The following DAP variants were observed in gnomAD, a reference collection of about 807,000 sequenced individuals.
DAP encodes the protein death-associated protein 1.
A neutral mutation model predicts 13.8 loss-of-function variants in DAP; 8 were observed. The ratio of observed to expected loss-of-function variants is 0.58; its 90% confidence interval spans 0.34 to 1.05. The LOEUF (loss-of-function observed/expected upper bound fraction) is 1.05. DAP is among the 50% of genes least tolerant of loss of function. DAP has a pLI of 0.03. For missense variants in DAP, 106 were observed against 133.2 expected (o/e 0.80, Z 1.01); for synonymous variants, 47 against 47.5 (o/e 0.99, Z 0.04).
chr5:10,711,420 G>GT (rs1431968767), intron 2 of DAP, among the ~76,000 whole-genome samples: 3 of 152,228 alleles, frequency 2.0e-5, no homozygotes, highest in African/African-American at 7.2e-5. Flanking sequence ...TCACCGGGGC[G>GT]TAACTGCCCT....
Position 10,723,047 on chromosome 5 carries a change from C to T in DAP, c.152+25128G>A, listed in dbSNP as rs780606344. ...GACAGCCATCTTTCAGAGTCATGTC[C>T]CTTGATGAAATGTCAATGCCAAAGA... On this transcript the variant is annotated intron_variant, in intron 2 of 3. Coordinates refer to ENST00000230895, the MANE Select transcript of DAP (RefSeq NM_004394.3). 2.6e-5 allele frequency among the ~76,000 whole-genome samples: 4 copies of T among 152,178 alleles called. No individual in the cohort carries two copies. The South Asian group carries it at 8.3e-4, about 32-fold the overall frequency.
chr5:10,682,218 GGT>G (rs1196328646), intron 3 of DAP, among the ~76,000 whole-genome samples: 1 of 147,036 alleles, frequency 6.8e-6, no homozygotes, highest in East Asian at 2.1e-4. Flanking sequence ...GGAAGCATGG[GGT>G]TTGTATGTGA....
At chr5:10,746,550 G>A (rs751747850) in intron 2 of DAP, among the ~76,000 whole-genome samples, 6 of 151,906 alleles carry the variant, frequency 3.9e-5, no homozygotes, top group African/African-American at 9.7e-5. Context: ...GGCTGGTCTC[G>A]CACCCCTGAC....
rs144636652 is a variant in DAP at position 10,720,718 on chromosome 5, C to T, written c.152+27457G>A. Reference sequence around the variant, plus strand: ...CCAGCAGCAGAGACCAACACTGAGCCCTCAATACGGCACCATTCCTCGGGG... The same window carrying T: ...CCAGCAGCAGAGACCAACACTGAGCTCTCAATACGGCACCATTCCTCGGGG... On this transcript the variant is annotated intron_variant, in intron 2 of 3. Transcript: ENST00000230895. Among the ~76,000 whole-genome samples the T allele has an allele frequency of 3.9e-3, 594 of 152,314 alleles. 4 individuals carry two copies. Among genetic ancestry groups the T allele is most frequent in the African/African-American group, 0.013 (545 of 41,574 alleles).
At position 10,711,550 on chromosome 5, in the gene DAP, C is replaced by T. The variant is rs3797127; in HGVS notation, c.153-27979G>A. 4.1e-3 allele frequency among the ~76,000 whole-genome samples: 623 copies of T among 152,320 alleles called. 20 individuals are homozygous for T. In the East Asian group the frequency reaches 0.087, roughly 21 times the overall value. On this transcript the variant is annotated intron_variant, in intron 2 of 3. Coordinates refer to ENST00000230895, the MANE Select transcript of DAP (RefSeq NM_004394.3). The stretch of plus-strand genomic sequence containing the variant: ...TGCTCTGTGAGAGCCATAACTTCTA[C>T]GCTCTCTTACTCTATCGGCATTAAA...
chr5:10,740,212 A>G lies in DAP; in HGVS notation c.152+7963T>C, dbSNP rs190304483. Among the ~76,000 whole-genome samples, 9 of 152,216 alleles carry G rather than the reference A, an allele frequency of 5.9e-5. No individual in the cohort carries two copies. The East Asian group carries it at 1.7e-3, about 29-fold the overall frequency. ...ACACTGGGCACAAGAGAAAGGAGTC[A>G]GGTTCAAAAGAAACCATCTACACTG... On this transcript the variant is annotated intron_variant, in intron 2 of 3. Coordinates refer to ENST00000230895, the MANE Select transcript of DAP (RefSeq NM_004394.3).
intron 1 of DAP, among the ~76,000 whole-genome samples, chr5:10,760,567 T>C (rs1250313974): frequency 6.6e-6 from 1 of 152,262 alleles, no homozygotes; most frequent in Non-Finnish European, 1.5e-5. Flanking sequence ...TCCTTGGTTC[T>C]TGAGTCGGTA....
chr5:10,705,754 C>A (rs1738683068), intron 2 of DAP, among the ~76,000 whole-genome samples: 1 of 152,160 alleles, frequency 6.6e-6, no homozygotes. Context: ...TGCAGTCATA[C>A]CTTTGAGTGC....
At chr5:10,703,744 C>A (rs542403642) in intron 2 of DAP, among the ~76,000 whole-genome samples, 1 of 152,308 alleles carries the variant, frequency 6.6e-6, no homozygotes, top group South Asian at 2.1e-4. Context: ...GGGCTCATGC[C>A]AATTGCTTCT....
intron 2 of DAP, among the ~76,000 whole-genome samples, chr5:10,712,998 G>A (rs1279597352): frequency 6.6e-6 from 1 of 152,194 alleles, no homozygotes; most frequent in Non-Finnish European, 1.5e-5. Flanking sequence ...TACGACACAT[G>A]TACCCATGAA....
intron 2 of DAP, among the ~76,000 whole-genome samples, chr5:10,703,081 A>G (rs1424225444): frequency 6.6e-6 from 1 of 152,180 alleles, no homozygotes; most frequent in African/African-American, 2.4e-5. Flanking sequence ...CTGCAAGTGA[A>G]TGCTGGGAAA....
chr5:10,749,161 T>A (rs959874293), intron 1 of DAP, among the ~76,000 whole-genome samples: 12 of 152,260 alleles, frequency 7.9e-5, no homozygotes, highest in African/African-American at 2.7e-4. Context: ...CCTCTTCTTG[T>A]CAAATATTCT....
chr5:10,740,909 A>G (rs918746430), intron 2 of DAP, among the ~76,000 whole-genome samples: 1 of 152,252 alleles, frequency 6.6e-6, no homozygotes, highest in East Asian at 1.9e-4. Flanking sequence ...TTCTTTAAAC[A>G]TCTTTAAAAG....
chr5:10,718,663 C>T (rs1739058643), intron 2 of DAP, among the ~76,000 whole-genome samples: 1 of 152,220 alleles, frequency 6.6e-6, no homozygotes. Flanking sequence ...AGTGGTGACT[C>T]TAAGTGCAGC....
chr5:10,701,409 T>C (rs568354291), intron 2 of DAP, among the ~76,000 whole-genome samples: 2 of 152,126 alleles, frequency 1.3e-5, no homozygotes, highest in African/African-American at 4.8e-5. Flanking sequence ...AGGAACCAAT[T>C]TGAATATTTT....
At position 10,707,768 on chromosome 5, in the gene DAP, G is replaced by A. The variant is rs1255414368; in HGVS notation, c.153-24197C>T. ...ACAGGTGGCGTGGCATAGGAATCAT[G>A]TGATGCACAGGTGCTATGGTGCAAA... is the stretch of plus-strand genomic sequence containing the variant. On this transcript the variant is annotated intron_variant, in intron 2 of 3. Transcript: ENST00000230895. This position sits in a 1 kb window ranked among gnomAD's most constrained non-coding sequence, Gnocchi z 4.0. 6.6e-6 allele frequency among the ~76,000 whole-genome samples: 1 copy of A among 152,200 alleles called. No individual in the cohort carries two copies. The highest frequency in any genetic ancestry group is 6.5e-5 in the Admixed American group (1 of 15,288).
intron 2 of DAP, among the ~76,000 whole-genome samples, chr5:10,716,379 C>A (rs573316364): frequency 1.3e-5 from 2 of 152,290 alleles, no homozygotes; most frequent in South Asian, 4.1e-4. Context: ...CACCCCTATA[C>A]TAACTGTGAT....
intron 2 of DAP, among the ~76,000 whole-genome samples, chr5:10,715,139 G>A (rs3797128): frequency 6.6e-6 from 1 of 152,184 alleles, no homozygotes; most frequent in African/African-American, 2.4e-5. Context: ...AAAGTGCAGG[G>A]AGTTATATGG....
intron 2 of DAP, among the ~76,000 whole-genome samples, chr5:10,737,343 C>T: frequency 1.9e-5 from 2 of 104,510 alleles, no homozygotes; most frequent in South Asian, 7.4e-4. Flanking sequence ...AAGACTCTGT[C>T]TCAAAAAAAA....
Sources: gnomAD v4.1 joint callset for allele counts (sites outside exome capture counted in the v4.1 genomes callset) on GRCh38, gnomAD v4.1.1 for gene constraint, Gnocchi (gnomAD v3.1) non-coding constraint, MANE v1.5 for transcripts, NCBI Gene and HGNC (gene_info 2026-07-23, HGNC 2026-07-21) for gene names.